The following MACROD2 variants were observed in gnomAD, a reference collection of about 807,000 sequenced individuals.
The protein encoded by MACROD2 is ADP-ribose glycohydrolase MACROD2.
A neutral mutation model predicts 70.4 loss-of-function variants in MACROD2; 36 were observed. The observed-to-expected ratio is 0.51, with a 90% CI of 0.39 to 0.68. The LOEUF is 0.68. Ranked by LOEUF, MACROD2 falls within the 30% of genes least tolerant of loss-of-function variation. MACROD2 has a pLI of 0.00. For synonymous variants in MACROD2, 172 were observed against 178.8 expected (o/e 0.96, Z 0.30); for missense variants, 496 against 538.4 (o/e 0.92, Z 0.78).
chr20:15,852,076 CTG>C (rs145567786), intron 8 of MACROD2, among the ~76,000 whole-genome samples: 1 of 152,090 alleles, frequency 6.6e-6, no homozygotes, highest in East Asian at 1.9e-4. Context: ...GGCCCTAAGC[CTG>C]TGTGTGTGTG....
At chr20:14,991,510 G>T (rs1489685283) in intron 5 of MACROD2, among the ~76,000 whole-genome samples, 1 of 152,132 alleles carries the variant, frequency 6.6e-6, no homozygotes. Context: ...CTTTGCAAAG[G>T]AGCTAACTGA....
intron 6 of MACROD2, among the ~76,000 whole-genome samples, chr20:15,279,652 T>G (rs2077425635): frequency 6.6e-6 from 1 of 152,178 alleles, no homozygotes; most frequent in Non-Finnish European, 1.5e-5. Flanking sequence ...CCATTTGAAT[T>G]TACTGAGAAC....
chr20:15,412,149 T>C (rs1488754529), intron 6 of MACROD2, among the ~76,000 whole-genome samples: 1 of 152,154 alleles, frequency 6.6e-6, no homozygotes, highest in African/African-American at 2.4e-5. Context: ...GCAAGTGCTG[T>C]TGGAAAAAGA....
At chr20:15,703,649 T>C (rs1218166097) in intron 8 of MACROD2, among the ~76,000 whole-genome samples, 1 of 152,212 alleles carries the variant, frequency 6.6e-6, no homozygotes, top group Non-Finnish European at 1.5e-5. Context: ...GGGCAGAGTC[T>C]GGGGAGTGGC....
chr20:15,216,673 G>T (rs971192628), intron 5 of MACROD2, among the ~76,000 whole-genome samples: 2 of 152,108 alleles, frequency 1.3e-5, no homozygotes, highest in Non-Finnish European at 2.9e-5. Context: ...CCTCACGACG[G>T]TAAGCTGACT....
intron 3 of MACROD2, among the ~76,000 whole-genome samples, chr20:14,453,909 C>G (rs6135150): frequency 0.14 from 21,266 of 151,642 alleles, 1,696 homozygotes; most frequent in East Asian, 0.25. Flanking sequence ...TATTTATATA[C>G]TATTTAGAAA....
At chr20:14,688,211 G>A (rs2071024486) in intron 5 of MACROD2, among the ~76,000 whole-genome samples, 1 of 152,084 alleles carries the variant, frequency 6.6e-6, no homozygotes, top group Non-Finnish European at 1.5e-5. Context: ...ATCATTATAG[G>A]GGTACTAAAG....
intron 5 of MACROD2, among the ~76,000 whole-genome samples, chr20:15,171,474 CT>C (rs1383544665): frequency 4.6e-5 from 7 of 151,810 alleles, no homozygotes; most frequent in Non-Finnish European, 1.0e-4. Flanking sequence ...TTATCACCCC[CT>C]GACCCCATAG....
At chr20:14,078,282 T>C (rs1223779038) in intron 2 of MACROD2, among the ~76,000 whole-genome samples, 1 of 152,234 alleles carries the variant, frequency 6.6e-6, no homozygotes, top group African/African-American at 2.4e-5. Flanking sequence ...CTTTGTGTTT[T>C]CTATGTCATC....
rs754477468 is a variant in MACROD2, at chr20:14,818,825, GTTTTTTTT to G, written c.418+133885_418+133892del. The stretch of plus-strand genomic sequence containing the variant: ...GATTGTTTTTGTTTCTCTTCCTTAG[GTTTTTTTT>G]TTTTTTTTTTTTTTTTTTGAGAGAG... On this transcript the variant is annotated intron_variant, in intron 5 of 17. Coordinates refer to ENST00000684519, the MANE Select transcript of MACROD2 (RefSeq NM_001351661.2). Among the ~76,000 whole-genome samples the G allele has an allele frequency of 3.3e-4, 26 of 78,380 alleles. 1 individual carries two copies. The highest frequency in any genetic ancestry group is 1.2e-3 in the East Asian group (3 of 2,590). The allele number at this position is 78,380 out of a possible 152,430, so 51.4% of individuals were successfully genotyped here.
At chr20:14,331,705 T>A (rs1467901416) in intron 3 of MACROD2, among the ~76,000 whole-genome samples, 1 of 152,126 alleles carries the variant, frequency 6.6e-6, no homozygotes, top group Non-Finnish European at 1.5e-5. Context: ...TAAACAGATT[T>A]TTGGGTTTTG....
chr20:14,901,016 A>G (rs1011709080), intron 5 of MACROD2, among the ~76,000 whole-genome samples: 4 of 152,122 alleles, frequency 2.6e-5, no homozygotes, highest in African/African-American at 9.6e-5. Flanking sequence ...ATGAGTAGAT[A>G]TACTGCAAGA....
chr20:15,043,989 C>A (rs1400967666), intron 5 of MACROD2, among the ~76,000 whole-genome samples: 1 of 152,156 alleles, frequency 6.6e-6, no homozygotes, highest in Admixed American at 6.5e-5. Context: ...CTCAGCACCC[C>A]TGAAACTCTC....
In MACROD2 at chr20:14,326,321, G is replaced by C; in HGVS notation, c.272-167158G>C. ...CCTGTGGTTTGGTGATCCTTAGTGAGCTTGGGGTTCTTAATATCTGGCTGT... is the reference window on the plus strand; with the variant it reads ...CCTGTGGTTTGGTGATCCTTAGTGACCTTGGGGTTCTTAATATCTGGCTGT... On this transcript the variant is annotated intron_variant, in intron 3 of 17. Coordinates refer to ENST00000684519, the MANE Select transcript of MACROD2 (RefSeq NM_001351661.2). This position sits in a 1 kb window ranked among gnomAD's most constrained non-coding sequence, Gnocchi z 5.5. The C allele has an allele frequency of 6.2e-7, 1 of 1,613,898 alleles. No homozygotes were observed. Among genetic ancestry groups the C allele is most frequent in the Non-Finnish European group, 8.5e-7 (1 of 1,179,862 alleles).
chr20:16,043,733 C>T (rs1322126265), intron 16 of MACROD2, among the ~76,000 whole-genome samples: 3 of 152,090 alleles, frequency 2.0e-5, no homozygotes, highest in Non-Finnish European at 4.4e-5. Context: ...GGCAAGTCTA[C>T]AAGGTCTGTT....
intron 3 of MACROD2, among the ~76,000 whole-genome samples, chr20:14,164,725 CTGTT>C (rs1353225413): frequency 1.3e-5 from 2 of 152,022 alleles, no homozygotes; most frequent in Non-Finnish European, 2.9e-5. Flanking sequence ...GTGGACTTAA[CTGTT>C]TGATCACCAG....
chr20:14,931,934 CGAGACTGCAGT>C, intron 5 of MACROD2, among the ~76,000 whole-genome samples: 1 of 150,044 alleles, frequency 6.7e-6, no homozygotes, highest in South Asian at 2.1e-4. Flanking sequence ...CCCAGGAGTT[CGAGACTGCAGT>C]GAGCTATGAA....
At chr20:15,103,861 C>A (rs1398932558) in intron 5 of MACROD2, among the ~76,000 whole-genome samples, 1 of 151,992 alleles carries the variant, frequency 6.6e-6, no homozygotes, top group Non-Finnish European at 1.5e-5. Context: ...CCAGGAAGAG[C>A]AAATGTGCTA....
At chr20:15,417,449 T>C (rs1167406195) in intron 6 of MACROD2, among the ~76,000 whole-genome samples, 1 of 150,210 alleles carries the variant, frequency 6.7e-6, no homozygotes, top group Admixed American at 6.6e-5. Context: ...ATAATAAATA[T>C]TAGATGGGTA....
Sources: gnomAD v4.1 joint callset for allele counts (sites outside exome capture counted in the v4.1 genomes callset) on GRCh38, gnomAD v4.1.1 for gene constraint, Gnocchi (gnomAD v3.1) non-coding constraint, MANE v1.5 for transcripts, NCBI Gene and HGNC (gene_info 2026-07-23, HGNC 2026-07-21) for gene names.